The following XRRA1 variants were observed in gnomAD, a reference collection of about 807,000 sequenced individuals.
The protein encoded by XRRA1 is X-ray radiation resistance-associated protein 1.
XRRA1 carries 69 observed loss-of-function variants against 80.2 expected under a neutral mutation model. That is an observed-to-expected ratio of 0.86 (90% CI 0.71 to 1.05). XRRA1 has a LOEUF of 1.05. XRRA1 is among the 50% of genes least tolerant of loss of function. The probability of loss-of-function intolerance (pLI) is 0.00; values close to 1 mark genes in which losing one functional copy is unlikely to be tolerated. For missense variants in XRRA1, 967 were observed against 976.4 expected (o/e 0.99, Z 0.13); for synonymous variants, 348 against 389.9 (o/e 0.89, Z 1.27).
intron 10 of XRRA1, among the ~76,000 whole-genome samples, chr11:74,885,992 T>C (rs533601406): frequency 6.6e-6 from 1 of 152,274 alleles, no homozygotes; most frequent in Admixed American, 6.5e-5. Context: ...ATGCAGAAAA[T>C]GCTTTTGATA....
chr11:74,862,435 T>G (rs907141451), intron 11 of XRRA1, among the ~76,000 whole-genome samples: 2 of 152,228 alleles, frequency 1.3e-5, no homozygotes, highest in Non-Finnish European at 2.9e-5. Flanking sequence ...GATATACTAT[T>G]TATTGTAAAT....
intron 10 of XRRA1, among the ~76,000 whole-genome samples, chr11:74,867,685 T>C (rs529779398): frequency 3.5e-4 from 54 of 152,282 alleles, no homozygotes; most frequent in African/African-American, 1.3e-3. Flanking sequence ...TCCCCAACTT[T>C]GCTATAGAGG....
In XRRA1 at chr11:74,906,284, G is replaced by A; in HGVS notation, c.958C>T (p.Leu320=). 1.2e-6 allele frequency: 2 copies of A among 1,613,960 alleles called. No homozygotes were observed. Among genetic ancestry groups the A allele is most frequent in the East Asian group, 2.2e-5 (1 of 44,876 alleles). Residue 320 remains leucine (L), a synonymous_variant, in exon 10 of 19, where the codon CTG becomes TTG. Transcript: ENST00000684022. The part of the protein sequence containing the change: ...PRMLEDSDEQ[L]DYTVLPMKKD... ...TTCATGGGCAGTACAGTATAATCCAGTTGCTCATCTGAGTCCTCAAGCATC... is the reference window on the plus strand; with the variant it reads ...TTCATGGGCAGTACAGTATAATCCAATTGCTCATCTGAGTCCTCAAGCATC...
At chr11:74,925,311 A>G (rs1941954421) in intron 7 of XRRA1, among the ~76,000 whole-genome samples, 1 of 152,180 alleles carries the variant, frequency 6.6e-6, no homozygotes, top group Admixed American at 6.5e-5. Flanking sequence ...TGGCAAAGTT[A>G]AGTTTTTCTA....
At chr11:74,868,452 A>G (rs1317922984) in intron 10 of XRRA1, among the ~76,000 whole-genome samples, 2 of 152,352 alleles carry the variant, frequency 1.3e-5, no homozygotes, top group East Asian at 3.9e-4. Context: ...CATTAACACT[A>G]TAAAGCAACC....
Position 74,930,391 on chromosome 11 carries a change from GAAAA to G in XRRA1, c.352-23_352-20del. ...CCTTGGCCTGTAGGAAAGCATTTCA[GAAAA>G]AAAAAAAAATCCACAAGATTAGTTC... On this transcript the variant is annotated intron_variant, in intron 5 of 18. Transcript: ENST00000684022. 1 of 1,272,278 alleles carries G rather than the reference GAAAA, an allele frequency of 7.9e-7. No homozygotes were observed. Among genetic ancestry groups the G allele is most frequent in the Non-Finnish European group, 1.1e-6 (1 of 942,138 alleles). The allele number at this position is 1,272,278 out of a possible 1,614,324, so 78.8% of individuals were successfully genotyped here. A position where few individuals can be genotyped will look rare whatever the true frequency, so the allele number is the denominator to read the frequency against.
At chr11:74,871,130 A>G (rs898701788) in intron 10 of XRRA1, among the ~76,000 whole-genome samples, 1 of 152,230 alleles carries the variant, frequency 6.6e-6, no homozygotes, top group Non-Finnish European at 1.5e-5. Context: ...CACATAGATC[A>G]CAGAAGTTAG....
At chr11:74,851,694 C>T (rs1320195793) in intron 13 of XRRA1, among the ~76,000 whole-genome samples, 1 of 152,200 alleles carries the variant, frequency 6.6e-6, no homozygotes, top group African/African-American at 2.4e-5. Context: ...TTAAAGAATT[C>T]CATATTCCAT....
intron 10 of XRRA1, among the ~76,000 whole-genome samples, chr11:74,864,779 C>T (rs960424083): frequency 6.6e-6 from 1 of 152,194 alleles, no homozygotes; most frequent in Non-Finnish European, 1.5e-5. Flanking sequence ...GGTCCCTGCT[C>T]ACAGCCTCTT....
chr11:74,872,466 G>A (rs937386867), intron 10 of XRRA1, among the ~76,000 whole-genome samples: 6 of 152,278 alleles, frequency 3.9e-5, no homozygotes, highest in East Asian at 3.9e-4. Flanking sequence ...GAGAGGAAAC[G>A]CGAGAGAAGG....
At chr11:74,848,614 T>G (rs2038944127) in intron 14 of XRRA1, among the ~76,000 whole-genome samples, 152 bp from the exon 15 acceptor site, 1 of 152,222 alleles carries the variant, frequency 6.6e-6, no homozygotes, top group African/African-American at 2.4e-5. Context: ...GTTGGGCATC[T>G]ATGATGTGCC....
At chr11:74,931,477 A>C (rs2139456565) in intron 5 of XRRA1, among the ~76,000 whole-genome samples, 1 of 152,046 alleles carries the variant, frequency 6.6e-6, no homozygotes, top group Non-Finnish European at 1.5e-5. Flanking sequence ...GGTGTCTGCC[A>C]CCATGCCCAG....
intron 6 of XRRA1, among the ~76,000 whole-genome samples, chr11:74,927,742 T>C (rs1185146832): frequency 6.6e-6 from 1 of 152,184 alleles, no homozygotes. Flanking sequence ...AGCCAAGAAT[T>C]GAATCTAAGT....
chr11:74,854,555 C>G (rs2135681618), intron 12 of XRRA1, among the ~76,000 whole-genome samples: 1 of 152,172 alleles, frequency 6.6e-6, no homozygotes, highest in South Asian at 2.1e-4. Flanking sequence ...ACCCTGAAAT[C>G]TGAATTTCAT....
chr11:74,882,329 C>T (rs1455728328), intron 10 of XRRA1, among the ~76,000 whole-genome samples: 7 of 150,906 alleles, frequency 4.6e-5, no homozygotes, highest in South Asian at 2.1e-4. Flanking sequence ...GCATTCTTCA[C>T]GTAGTTCTCG....
In XRRA1 at chr11:74,921,313, T is replaced by C. The variant is rs1411012632; in HGVS notation, c.557A>G (p.Glu186Gly). The C allele has an allele frequency of 1.2e-6, 2 of 1,613,880 alleles. No homozygotes were observed. The highest frequency in any genetic ancestry group is 1.7e-6 in the Non-Finnish European group (2 of 1,179,838). Residue 186 changes from glutamate (E) to glycine (G), a missense_variant, in exon 8 of 19, where the codon GAG (glutamate) becomes GGG (glycine). By Grantham distance (98) the Glu-to-Gly change is moderately conservative. Transcript: ENST00000684022. ...LDLSFNSLTV[E>G]AICDLGILPH... ...CAGAATCCCCAAATCACAGATGGCC[T>C]CCACAGTCAGGCTGTTGAAGGAAAG...
At chr11:74,875,197 A>G (rs1464736684) in intron 10 of XRRA1, among the ~76,000 whole-genome samples, 1 of 152,228 alleles carries the variant, frequency 6.6e-6, no homozygotes, top group East Asian at 1.9e-4. Flanking sequence ...ATTGTAGGAC[A>G]TCAGAAGGGA....
intron 10 of XRRA1, among the ~76,000 whole-genome samples, chr11:74,903,937 G>A (rs537191820): frequency 2.0e-5 from 3 of 152,020 alleles, no homozygotes; most frequent in Non-Finnish European, 4.4e-5. Flanking sequence ...AACAGGAAAT[G>A]GGAGTAGGAA....
At chr11:74,907,722 T>A (rs1186350233) in intron 8 of XRRA1, among the ~76,000 whole-genome samples, 1 of 152,086 alleles carries the variant, frequency 6.6e-6, no homozygotes, top group African/African-American at 2.4e-5. Context: ...AGACCACAGC[T>A]TTGCCACCTA....
Sources: gnomAD v4.1 joint callset for allele counts (sites outside exome capture counted in the v4.1 genomes callset) on GRCh38, gnomAD v4.1.1 for gene constraint, MANE v1.5 for transcripts, NCBI Gene and HGNC (gene_info 2026-07-23, HGNC 2026-07-21) for gene names.